The following CNTNAP5 variants were observed in gnomAD, a reference collection of about 807,000 sequenced individuals.
CNTNAP5 encodes the protein contactin associated protein family member 5.
A neutral mutation model predicts 150.2 loss-of-function variants in CNTNAP5; 72 were observed. The observed-to-expected ratio is 0.48, with a 90% CI of 0.40 to 0.58. The LOEUF is 0.58. Among genes scored for constraint, CNTNAP5 ranks in the 20% least tolerant of loss-of-function variants. CNTNAP5 has a pLI of 0.00. For missense variants in CNTNAP5, 1,636 were observed against 1,626.2 expected, an observed-to-expected ratio of 1.01 and a Z score of -0.10; for synonymous variants, 672 against 619.8, an observed-to-expected ratio of 1.08 and a Z score of -1.25.
intron 3 of CNTNAP5, among the ~76,000 whole-genome samples, chr2:124,313,803 G>C (rs1688891974): frequency 6.6e-6 from 1 of 152,176 alleles, no homozygotes. Context: ...CAGGGGGAGT[G>C]ATGGTGCGAG....
chr2:124,359,080 GT>G (rs1690114186), intron 3 of CNTNAP5, among the ~76,000 whole-genome samples: 1 of 151,732 alleles, frequency 6.6e-6, no homozygotes, highest in Admixed American at 6.6e-5. Flanking sequence ...AGATTTTCTA[GT>G]TTATTTGCAT....
chr2:124,308,459 T>C (rs999981348), intron 3 of CNTNAP5, among the ~76,000 whole-genome samples: 2 of 152,136 alleles, frequency 1.3e-5, no homozygotes, highest in Non-Finnish European at 2.9e-5. Flanking sequence ...GTGCTAAGAA[T>C]TTTATTGACT....
intron 13 of CNTNAP5, among the ~76,000 whole-genome samples, chr2:124,720,296 T>A (rs1680023587): frequency 6.6e-6 from 1 of 152,174 alleles, no homozygotes; most frequent in Non-Finnish European, 1.5e-5. Flanking sequence ...ACTGAAGTAT[T>A]TGAGCTGCCA....
At chr2:124,669,848 G>A (rs1367159570) in intron 13 of CNTNAP5, among the ~76,000 whole-genome samples, 2 of 152,144 alleles carry the variant, frequency 1.3e-5, no homozygotes, top group Non-Finnish European at 2.9e-5. Context: ...CTTAAGCACT[G>A]TGTTCGCTAC....
At chr2:124,462,831 C>T (rs1253932375) in intron 6 of CNTNAP5, among the ~76,000 whole-genome samples, 1 of 152,208 alleles carries the variant, frequency 6.6e-6, no homozygotes, top group Non-Finnish European at 1.5e-5. Flanking sequence ...ACTCCCCTCC[C>T]TTGACAGATA....
At chr2:124,648,316 G>A (rs1320221179) in intron 13 of CNTNAP5, among the ~76,000 whole-genome samples, 3 of 152,134 alleles carry the variant, frequency 2.0e-5, no homozygotes, top group Non-Finnish European at 4.4e-5. Context: ...AGTTTGGGGA[G>A]AGAGAATAGA....
chr2:124,640,781 G>A (rs1678074461), intron 12 of CNTNAP5, among the ~76,000 whole-genome samples: 1 of 152,066 alleles, frequency 6.6e-6, no homozygotes. Flanking sequence ...CAACAGAACG[G>A]TTCATAGCAG....
intron 1 of CNTNAP5, among the ~76,000 whole-genome samples, chr2:124,187,785 C>T (rs1452555367): frequency 1.3e-5 from 2 of 152,200 alleles, no homozygotes; most frequent in Admixed American, 1.3e-4. Context: ...AGTTCAACTT[C>T]CCTTCCTGGT....
At chr2:124,157,025 A>T (rs770913081) in intron 1 of CNTNAP5, among the ~76,000 whole-genome samples, 3 of 152,262 alleles carry the variant, frequency 2.0e-5, no homozygotes, top group African/African-American at 4.8e-5. Flanking sequence ...TGTTGCAAAA[A>T]GAGCTAGCTA....
intron 17 of CNTNAP5, among the ~76,000 whole-genome samples, chr2:124,787,545 T>C (rs1274942791): frequency 6.6e-6 from 1 of 152,200 alleles, no homozygotes; most frequent in Non-Finnish European, 1.5e-5. Context: ...GATAAATTTC[T>C]ATGGATGTAG....
At chr2:124,262,586 G>A (rs1401779344) in intron 3 of CNTNAP5, among the ~76,000 whole-genome samples, 1 of 151,280 alleles carries the variant, frequency 6.6e-6, no homozygotes, top group Non-Finnish European at 1.5e-5. Context: ...ATATTTTGCA[G>A]GTCATTGAAA....
intron 22 of CNTNAP5, among the ~76,000 whole-genome samples, chr2:124,909,633 C>T (rs537753470): frequency 6.7e-6 from 1 of 149,866 alleles, no homozygotes; most frequent in African/African-American, 2.5e-5. Context: ...CTTCCTGTCT[C>T]CCTCCCTCCC....
At chr2:124,861,379 C>A (rs1272485942) in intron 19 of CNTNAP5, among the ~76,000 whole-genome samples, 3 of 151,798 alleles carry the variant, frequency 2.0e-5, no homozygotes, top group Non-Finnish European at 2.9e-5. Flanking sequence ...TCAAGAGCAG[C>A]CTCGCCAAGA....
chr2:124,271,524 G>A (rs568549335), intron 3 of CNTNAP5, among the ~76,000 whole-genome samples: 9 of 152,304 alleles, frequency 5.9e-5, no homozygotes, highest in African/African-American at 2.2e-4. Flanking sequence ...ATGCAGGACT[G>A]ATGGAAGGAA....
chr2:124,852,204 A>G (rs1683172439), intron 19 of CNTNAP5, among the ~76,000 whole-genome samples: 1 of 152,210 alleles, frequency 6.6e-6, no homozygotes, highest in Non-Finnish European at 1.5e-5. Context: ...GAAGTCTGAT[A>G]TTGAGTCCAT....
intron 1 of CNTNAP5, among the ~76,000 whole-genome samples, chr2:124,172,493 A>C (rs1684957200): frequency 6.6e-6 from 1 of 152,052 alleles, no homozygotes; most frequent in African/African-American, 2.4e-5. Context: ...GCTCACTGCC[A>C]CCTCTGACCC....
At chr2:124,085,156 G>A (rs902818963) in intron 1 of CNTNAP5, among the ~76,000 whole-genome samples, 5 of 151,722 alleles carry the variant, frequency 3.3e-5, no homozygotes, top group Non-Finnish European at 5.9e-5. Context: ...CCCTGACCTC[G>A]TGATCCACCT....
At chr2:124,542,987 A>G (rs1695423702) in intron 10 of CNTNAP5, among the ~76,000 whole-genome samples, 1 of 152,164 alleles carries the variant, frequency 6.6e-6, no homozygotes, top group Non-Finnish European at 1.5e-5. Context: ...AAAACTCTGG[A>G]GGTTGCTATC....
chr2:124,635,493 G>A (rs1558713952), intron 12 of CNTNAP5, among the ~76,000 whole-genome samples: 1 of 152,150 alleles, frequency 6.6e-6, no homozygotes, highest in Non-Finnish European at 1.5e-5. Context: ...AAGCCTTGTT[G>A]AGCTCAGCAG....
Sources: gnomAD v4.1 joint callset for allele counts (sites outside exome capture counted in the v4.1 genomes callset) on GRCh38, gnomAD v4.1.1 for gene constraint, MANE v1.5 for transcripts, NCBI Gene and HGNC (gene_info 2026-07-23, HGNC 2026-07-21) for gene names.